KPNA3: variants seen among roughly 807,000 people sequenced by gnomAD.
The protein encoded by KPNA3 is importin subunit alpha-4.
A neutral mutation model predicts 73.8 loss-of-function variants in KPNA3; 13 were observed. The observed-to-expected ratio is 0.18, with a 90% CI of 0.11 to 0.28. The LOEUF is 0.28. Among genes scored for constraint, KPNA3 ranks in the 10% least tolerant of loss-of-function variants. The pLI is 1.00. For synonymous variants in KPNA3, 186 were observed against 206.9 expected (o/e 0.90, Z 0.87); for missense variants, 360 against 618.1 (o/e 0.58, Z 4.43).
intron 2 of KPNA3, among the ~76,000 whole-genome samples, chr13:49,738,533 C>T (rs1005732647): frequency 2.6e-5 from 4 of 152,166 alleles, no homozygotes; most frequent in Non-Finnish European, 5.9e-5. Context: ...TGTCTTTCAC[C>T]AGCATTTTGT....
intron 1 of KPNA3, among the ~76,000 whole-genome samples, chr13:49,749,353 A>G (rs564981863): frequency 1.3e-5 from 2 of 152,210 alleles, no homozygotes; most frequent in Non-Finnish European, 1.5e-5. Context: ...CTGCATAAGG[A>G]AAGTTGGAAA....
At chr13:49,769,419 T>C (rs1954835510) in intron 1 of KPNA3, among the ~76,000 whole-genome samples, 1 of 152,192 alleles carries the variant, frequency 6.6e-6, no homozygotes, top group East Asian at 1.9e-4. Context: ...AGAAATCACA[T>C]ACCCTTTAGC....
At chr13:49,766,992 T>A (rs1954813305) in intron 1 of KPNA3, among the ~76,000 whole-genome samples, 1 of 148,550 alleles carries the variant, frequency 6.7e-6, no homozygotes, top group South Asian at 2.1e-4. Context: ...GGTAATCAAG[T>A]TAGGATTTTT....
intron 1 of KPNA3, among the ~76,000 whole-genome samples, chr13:49,755,263 A>C (rs897223555): frequency 6.6e-6 from 1 of 152,180 alleles, no homozygotes. Context: ...CAATGATTAT[A>C]TTATTCAATG....
At chr13:49,773,582 C>T (rs976397479) in intron 1 of KPNA3, among the ~76,000 whole-genome samples, 35 of 152,170 alleles carry the variant, frequency 2.3e-4, no homozygotes, top group African/African-American at 8.0e-4. Flanking sequence ...ACTAATAAAC[C>T]TTCAAGAGTG....
rs1290800128 is a variant in KPNA3, at chr13:49,722,516, C to T, written c.517G>A (p.Val173Ile). Residue 173 changes from valine to isoleucine, a missense_variant, in exon 8 of 17, where the codon GTT becomes ATT. Coordinates refer to ENST00000261667, the MANE Select transcript of KPNA3 (RefSeq NM_002267.4). Reference protein sequence around the residue: ...LRLLRSPHQNVCEQAVWALGN... With the variant: ...LRLLRSPHQNICEQAVWALGN... ...AAAGCCCATACTGCTTGTTCACAAA[C>T]ATTCTGATGTGGTGAACGAAGAAGT... The T allele has an allele frequency of 1.2e-6, 2 of 1,611,974 alleles. No individual in the cohort carries two copies. The highest frequency in any genetic ancestry group is 1.3e-5 in the African/African-American group (1 of 74,868).
chr13:49,775,890 G>C (rs1390070358), intron 1 of KPNA3, among the ~76,000 whole-genome samples: 1 of 152,056 alleles, frequency 6.6e-6, no homozygotes, highest in Non-Finnish European at 1.5e-5. Flanking sequence ...TACTACAATA[G>C]CCCATGTACT....
intron 16 of KPNA3, among the ~76,000 whole-genome samples, 164 bp downstream of exon 16, chr13:49,702,222 T>TG (rs1954154902): frequency 1.3e-5 from 2 of 152,186 alleles, no homozygotes; most frequent in Admixed American, 1.3e-4. Context: ...TACCTTATAA[T>TG]GAAGTTTCAA....
chr13:49,771,413 T>C (rs1954854632), intron 1 of KPNA3, among the ~76,000 whole-genome samples: 1 of 152,206 alleles, frequency 6.6e-6, no homozygotes, highest in African/African-American at 2.4e-5. Flanking sequence ...TTGCTGAATT[T>C]ATTCCTGAGC....
chr13:49,772,484 C>T (rs1369214559), intron 1 of KPNA3, among the ~76,000 whole-genome samples: 1 of 152,148 alleles, frequency 6.6e-6, no homozygotes, highest in Non-Finnish European at 1.5e-5. Flanking sequence ...AGGACAACCA[C>T]CTTGGAAAAG....
chr13:49,729,884 A>G (rs770720184), intron 6 of KPNA3, among the ~76,000 whole-genome samples: 21 of 152,342 alleles, frequency 1.4e-4, no homozygotes, highest in Middle Eastern at 3.4e-3. Context: ...ACCATCACCT[A>G]ATTTTTATAG....
At chr13:49,787,207 G>A (rs1227463514) in intron 1 of KPNA3, among the ~76,000 whole-genome samples, 3 of 152,192 alleles carry the variant, frequency 2.0e-5, no homozygotes, top group Non-Finnish European at 4.4e-5. Context: ...AAGCTTAAGT[G>A]TTAAGCCCAA....
At chr13:49,743,203 G>A (rs1001491872) in intron 2 of KPNA3, among the ~76,000 whole-genome samples, 19 of 152,056 alleles carry the variant, frequency 1.2e-4, no homozygotes, top group Non-Finnish European at 2.8e-4. Flanking sequence ...GTGAAACTCT[G>A]GGGACTAGCT....
chr13:49,791,564 G>A (rs1259214736), intron 1 of KPNA3, among the ~76,000 whole-genome samples: 1 of 152,174 alleles, frequency 6.6e-6, no homozygotes, highest in Non-Finnish European at 1.5e-5. Context: ...TACTAGCTTG[G>A]AGCAAGAGGT....
rs1382710271 is a variant in KPNA3 at position 49,699,565 on chromosome 13, GAATCAAGGAAATGCATAC to G, written c.*2217_*2234del. The G allele has an allele frequency of 2.0e-5, 3 of 152,564 alleles. No homozygotes were observed. The highest frequency in any genetic ancestry group is 6.5e-5 in the Admixed American group (1 of 15,284). The allele number at this position is 152,564 out of a possible 1,614,324, so 9.5% of individuals were successfully genotyped here. A position where few individuals can be genotyped will look rare whatever the true frequency, so the allele number is the denominator to read the frequency against. ...TTCAAAACTGGTAAGGTCACAAATT[GAATCAAGGAAATGCATAC>G]AAGTGTCTGCACTACTTGATGCTAA... On this transcript the variant is annotated 3_prime_UTR_variant, in exon 17 of 17. Coordinates refer to ENST00000261667, the MANE Select transcript of KPNA3 (RefSeq NM_002267.4).
intron 1 of KPNA3, among the ~76,000 whole-genome samples, chr13:49,785,490 T>C (rs1269581222): frequency 6.6e-6 from 1 of 152,210 alleles, no homozygotes; most frequent in African/African-American, 2.4e-5. Context: ...ACTTTGAGCT[T>C]GAGAAGCTAA....
chr13:49,761,786 G>A (rs971854733), intron 1 of KPNA3, among the ~76,000 whole-genome samples: 11 of 152,024 alleles, frequency 7.2e-5, no homozygotes, highest in African/African-American at 9.7e-5. Context: ...TCCCGTCTAG[G>A]AAGCGAGGAG....
intron 11 of KPNA3, among the ~76,000 whole-genome samples, chr13:49,710,348 A>T (rs1024215053): frequency 1.3e-5 from 2 of 152,210 alleles, no homozygotes; most frequent in Non-Finnish European, 2.9e-5. Flanking sequence ...GGATGAACAG[A>T]TCTAATAAGT....
intron 11 of KPNA3, among the ~76,000 whole-genome samples, 180 bp from the exon 12 acceptor site, chr13:49,709,880 C>A (rs1422861105): frequency 6.8e-6 from 1 of 146,332 alleles, no homozygotes; most frequent in African/African-American, 2.5e-5. Flanking sequence ...TTGTGAAAAA[C>A]TGAAACTTTA....
Sources: allele counts gnomAD v4.1 joint callset (sites outside exome capture counted in the v4.1 genomes callset), GRCh38; gene constraint gnomAD v4.1.1; transcripts MANE v1.5; gene names NCBI Gene and HGNC (gene_info 2026-07-23, HGNC 2026-07-21).